Variants in DENND2B observed in about 807,000 individuals in gnomAD.
The protein encoded by DENND2B is DENN domain containing 2B.
Under a neutral mutation model 116.0 loss-of-function variants are expected in DENND2B, and 32 were observed. The ratio of observed to expected loss-of-function variants is 0.28; its 90% CI spans 0.21 to 0.37. The LOEUF (loss-of-function observed/expected upper bound fraction) is 0.37, where lower values mean the gene tolerates loss of function less well. Ranked by LOEUF, DENND2B falls within the 10% of genes least tolerant of loss-of-function variation. The pLI, the probability that DENND2B is intolerant of heterozygous loss-of-function variation, is 1.00. For missense variants in DENND2B, 1,276 were observed against 1,477.7 expected, an observed-to-expected ratio of 0.86 and a Z score of 2.24; for synonymous variants, 588 against 583.9, an observed-to-expected ratio of 1.01 and a Z score of -0.10.
At chr11:8,879,412 A>AAGCTT (rs2134725078) in intron 2 of DENND2B, among the ~76,000 whole-genome samples, 1 of 152,370 alleles carries the variant, frequency 6.6e-6, no homozygotes, top group South Asian at 2.1e-4. Flanking sequence ...ATTGCAGCAT[A>AAGCTT]AGCTTAGCTC....
At chr11:8,821,428 A>T (rs2061759895) in intron 4 of DENND2B, among the ~76,000 whole-genome samples, 1 of 81,312 alleles carries the variant, frequency 1.2e-5, no homozygotes, top group Non-Finnish European at 3.2e-5. Context: ...CTCTACCAAA[A>T]ATAAAAAAAA....
At chr11:8,765,801 GC>G (rs2055627861) in intron 1 of DENND2B, among the ~76,000 whole-genome samples, 1 of 152,044 alleles carries the variant, frequency 6.6e-6, no homozygotes, top group Non-Finnish European at 1.5e-5. Flanking sequence ...ACTTTGGGAG[GC>G]CAAGGCGGGT....
upstream of DENND2B, chr11:8,810,803 A>ACTCTCTCTCT (rs2061328946): frequency 9.5e-6 from 1 of 105,548 alleles, no homozygotes; most frequent in African/African-American, 4.3e-5. Context: ...TTTCTTTCTC[A>ACTCTCTCTCT]CTGTCTCTCT....
intron 1 of DENND2B, among the ~76,000 whole-genome samples, chr11:8,899,825 CT>C (rs2064142794): frequency 6.6e-6 from 1 of 152,118 alleles, no homozygotes; most frequent in Non-Finnish European, 1.5e-5. Context: ...ATGTTTCTCA[CT>C]TTTTCTCATA....
intron 1 of DENND2B, among the ~76,000 whole-genome samples, chr11:8,884,281 GA>G (rs34871822): frequency 0.68 from 98,730 of 144,214 alleles, 37,600 homozygotes; most frequent in Non-Finnish European, 0.86. Flanking sequence ...TCTACTAACA[GA>G]AAAAAAAAAA....
intron 4 of DENND2B, among the ~76,000 whole-genome samples, chr11:8,828,562 T>G (rs1408765045): frequency 6.6e-6 from 1 of 152,132 alleles, no homozygotes; most frequent in Non-Finnish European, 1.5e-5. Context: ...CCATGATCCC[T>G]CTCTGCTTCC....
chr11:8,737,777 T>G (rs1249027104), intron 2 of DENND2B, among the ~76,000 whole-genome samples: 1 of 151,916 alleles, frequency 6.6e-6, no homozygotes, highest in Admixed American at 6.6e-5. Context: ...CCTTCCTCTC[T>G]CTCACAGGGT....
At chr11:8,900,430 CA>C (rs3047629) in intron 1 of DENND2B, among the ~76,000 whole-genome samples, 20,229 of 114,478 alleles carry the variant, frequency 0.18, 1,908 homozygotes, top group African/African-American at 0.34. Flanking sequence ...GACTCCATCT[CA>C]AAAAAAAAAA....
chr11:8,844,447 T>C (rs1428809030), intron 3 of DENND2B, among the ~76,000 whole-genome samples: 1 of 152,152 alleles, frequency 6.6e-6, no homozygotes, highest in African/African-American at 2.4e-5. Context: ...ATTTTTAAAT[T>C]AAATACAACA....
chr11:8,722,478 AG>A lies in DENND2B; in HGVS notation c.1477+3594del, dbSNP rs200748861. The stretch of plus-strand genomic sequence containing the variant: ...GGCCAAGACCAGAGAGACGGCTCCC[AG>A]GAAGTCCGAGCCACTGATCAGTCCT... On this transcript the variant is annotated intron_variant, in intron 4 of 19. Transcript: ENST00000313726. Among the ~76,000 whole-genome samples the A allele has an allele frequency of 8.9e-3, 1,363 of 152,300 alleles. 23 individuals carry two copies. Among genetic ancestry groups the A allele is most frequent in the African/African-American group, 0.032 (1,317 of 41,562 alleles).
At chr11:8,864,449 T>C (rs1018890489) in intron 2 of DENND2B, among the ~76,000 whole-genome samples, 4 of 152,082 alleles carry the variant, frequency 2.6e-5, no homozygotes, top group Non-Finnish European at 5.9e-5. Context: ...TGTATTTTTT[T>C]CATAAGGACA....
intron 1 of DENND2B, among the ~76,000 whole-genome samples, chr11:8,889,697 G>T (rs2064004172): frequency 6.6e-6 from 1 of 152,232 alleles, no homozygotes; most frequent in African/African-American, 2.4e-5. Flanking sequence ...GCTCAGGGAG[G>T]GGCACCTGCC....
intron 11 of DENND2B, chr11:8,708,124 C>G: frequency 7.3e-7 from 1 of 1,377,994 alleles, no homozygotes; most frequent in African/African-American, 1.5e-5. Context: ...CCCAGGAGGA[C>G]GCTGACGGGG....
chr11:8,824,470 C>T (rs995839584), intron 4 of DENND2B, among the ~76,000 whole-genome samples: 1 of 152,138 alleles, frequency 6.6e-6, no homozygotes, highest in African/African-American at 2.4e-5. Flanking sequence ...TCTGCTCCTG[C>T]ATTAGTTTGC....
chr11:8,810,688 T>TA (rs2061313103), upstream of DENND2B: 1 of 152,276 alleles, frequency 6.6e-6, no homozygotes, highest in Non-Finnish European at 1.5e-5. Context: ...AGAGCACTGC[T>TA]AGCCGGCCAG....
chr11:8,711,480 A>G (rs1565675371), intron 9 of DENND2B, among the ~76,000 whole-genome samples: 1 of 152,056 alleles, frequency 6.6e-6, no homozygotes, highest in African/African-American at 2.4e-5. Context: ...CTCTCAATGG[A>G]AAACAAAGGG....
chr11:8,907,547 A>G (rs2064254341), intron 1 of DENND2B, among the ~76,000 whole-genome samples: 1 of 152,214 alleles, frequency 6.6e-6, no homozygotes, highest in South Asian at 2.1e-4. Context: ...GCAAAGATTT[A>G]ATTTAGAGTC....
intron 13 of DENND2B, among the ~76,000 whole-genome samples, chr11:8,706,036 G>A (rs2133756436): frequency 6.6e-6 from 1 of 152,346 alleles, no homozygotes; most frequent in African/African-American, 2.4e-5. Context: ...CTTGAGTCCA[G>A]GAGTTCAAGA....
Position 8,730,826 on chromosome 11 carries a change from G to C in DENND2B, c.464C>G (p.Thr155Ser). The change falls in exon 3 of 20, where the codon ACC becomes AGC. Residue 155 changes from threonine (T) to serine (S), a missense_variant. Thr to Ser is a moderately conservative substitution (Grantham distance 58, BLOSUM62 1). Around this residue, in one of 2 missense-constraint regions of DENND2B, gnomAD observed 856 missense variants for 846.6 expected, o/e 1.01. Transcript: ENST00000313726. This position sits in a 1 kb window ranked among gnomAD's most constrained non-coding sequence, Gnocchi z 4.1. ...AGPRGVLLTRTGTRAHSLGIR... is the reference protein window; with the variant it reads ...AGPRGVLLTRSGTRAHSLGIR... The stretch of plus-strand genomic sequence containing the variant: ...GCCCAGGCTGTGGGCGCGGGTACCG[G>C]TACGGGTCAGCAAGACGCCCCGGGG... The C allele has an allele frequency of 1.2e-6, 2 of 1,613,206 alleles. No homozygotes were observed. The highest frequency in any genetic ancestry group is 1.7e-6 in the Non-Finnish European group (2 of 1,179,962).
Sources: allele counts gnomAD v4.1 joint callset (sites outside exome capture counted in the v4.1 genomes callset), GRCh38; gene constraint gnomAD v4.1.1; regional missense constraint gnomAD v4.1.1; non-coding constraint Gnocchi (gnomAD v3.1); transcripts MANE v1.5; gene names NCBI Gene and HGNC (gene_info 2026-07-23, HGNC 2026-07-21).